The following ARHGAP39 variants were observed in gnomAD, a reference collection of about 807,000 sequenced individuals.
The protein encoded by ARHGAP39 is rho GTPase-activating protein 39.
A neutral mutation model predicts 106.9 loss-of-function variants in ARHGAP39; 44 were observed. That is an observed-to-expected ratio of 0.41 (90% CI 0.32 to 0.53). ARHGAP39 has a LOEUF of 0.53. ARHGAP39 is among the 20% of genes least tolerant of loss of function. The pLI is 0.21. For synonymous variants in ARHGAP39, 768 were observed against 693.2 expected, an observed-to-expected ratio of 1.11 and a Z score of -1.69; for missense variants, 1,496 against 1,577.3, an observed-to-expected ratio of 0.95 and a Z score of 0.87.
intron 7 of ARHGAP39, among the ~76,000 whole-genome samples, chr8:144,537,279 A>T (rs1376888998): frequency 3.3e-5 from 5 of 152,092 alleles, no homozygotes; most frequent in African/African-American, 9.7e-5. Context: ...CTCCTTGCAG[A>T]TTCTGAACAC....
chr8:144,640,069 G>A (rs1821272489), intron 1 of ARHGAP39, among the ~76,000 whole-genome samples: 1 of 152,174 alleles, frequency 6.6e-6, no homozygotes, highest in Admixed American at 6.5e-5. Context: ...CAGGCGACAT[G>A]CAGAAAATAT....
At chr8:144,691,677 A>G in the ARHGAP39 span, among the ~76,000 whole-genome samples, 1 of 151,944 alleles carries the variant, frequency 6.6e-6, no homozygotes, top group Admixed American at 6.6e-5. Context: ...GTCTTGCTAC[A>G]TTTTGTTGCA....
At chr8:144,533,059 T>G in intron 9 of ARHGAP39, 67 bp downstream of exon 9, 1 of 1,544,832 alleles carries the variant, frequency 6.5e-7, no homozygotes, top group Admixed American at 1.7e-5. Flanking sequence ...GGCCCCTGCA[T>G]GCCACAGATG....
At chr8:144,651,425 G>A (rs895745447) in intron 1 of ARHGAP39, among the ~76,000 whole-genome samples, 8 of 152,066 alleles carry the variant, frequency 5.3e-5, no homozygotes, top group Admixed American at 3.3e-4. Flanking sequence ...ATATGCAGCC[G>A]GGCACAGTGG....
chr8:144,580,919 C>T lies in ARHGAP39; in HGVS notation c.439G>A (p.Glu147Lys), dbSNP rs1291105489. Residue 147 changes from glutamate (E) to lysine (K), a missense_variant, in exon 3 of 12, where the codon GAG becomes AAG. Coordinates refer to ENST00000377307, the MANE Select transcript of ARHGAP39 (RefSeq NM_025251.3). Reference protein sequence around the residue: ...SSSLEPEPDTEKAQELPARAG... With the variant: ...SSSLEPEPDTKKAQELPARAG... ...CTCGCTGGCAACTCCTGCGCTTTCT[C>T]AGTGTCGGGCTCGGGCTCCAGGGAG... The T allele has an allele frequency of 2.5e-6, 4 of 1,605,184 alleles. No homozygotes were observed. Among genetic ancestry groups the T allele is most frequent in the Non-Finnish European group, 3.4e-6 (4 of 1,178,360 alleles).
intron 4 of ARHGAP39, among the ~76,000 whole-genome samples, chr8:144,554,188 C>T (rs1817829090): frequency 6.6e-6 from 1 of 152,190 alleles, no homozygotes; most frequent in South Asian, 2.1e-4. Flanking sequence ...TTCGTGGAGA[C>T]CAGGACCTGG....
At chr8:144,668,688 T>A (rs565790017) in intron 1 of ARHGAP39, among the ~76,000 whole-genome samples, 1 of 152,190 alleles carries the variant, frequency 6.6e-6, no homozygotes, top group Non-Finnish European at 1.5e-5. Flanking sequence ...AGACATTCCA[T>A]GTTCATGAAA....
intron 1 of ARHGAP39, among the ~76,000 whole-genome samples, chr8:144,636,955 C>T (rs1490656260): frequency 6.6e-6 from 1 of 152,188 alleles, no homozygotes; most frequent in East Asian, 1.9e-4. Flanking sequence ...TTATTCTGAC[C>T]CTCAATCCTG....
chr8:144,635,824 A>C (rs1821159838), intron 1 of ARHGAP39, among the ~76,000 whole-genome samples: 2 of 144,036 alleles, frequency 1.4e-5, no homozygotes, highest in African/African-American at 5.2e-5. Context: ...ACCGCCAGGT[A>C]GACAGTGTGG....
rs185034701 is a variant in ARHGAP39 at position 144,554,512 on chromosome 8, G to A, written c.596+1048C>T. Among the ~76,000 whole-genome samples the A allele has an allele frequency of 1.9e-3, 290 of 152,284 alleles. 3 individuals are homozygous for A. The highest frequency in any genetic ancestry group is 6.5e-3 in the African/African-American group (271 of 41,550). The stretch of plus-strand genomic sequence containing the variant: ...AGTGCTTGGCAAACAAAGACCAGGT[G>A]GGCACGTCCACCACGAAGGATGCAG... On this transcript the variant is annotated intron_variant, in intron 4 of 11. Transcript: ENST00000377307.
At chr8:144,607,061 T>C (rs1476875383) in intron 1 of ARHGAP39, among the ~76,000 whole-genome samples, 1 of 147,892 alleles carries the variant, frequency 6.8e-6, no homozygotes, top group East Asian at 2.0e-4. Context: ...ATGTGTAATG[T>C]GTGTGTGTAA....
At chr8:144,692,926 A>AT in the ARHGAP39 span, among the ~76,000 whole-genome samples, 1 of 148,958 alleles carries the variant, frequency 6.7e-6, no homozygotes. Flanking sequence ...TGCCTGGCTA[A>AT]TTTTGTATTT....
Position 144,541,687 on chromosome 8 carries a change from C to T in ARHGAP39, c.2521+3562G>A, listed in dbSNP as rs148774643. On this transcript the variant is annotated intron_variant, in intron 6 of 11. Transcript: ENST00000377307. ...AGGTTCATCCATGCGCGTCTATCAACATTTCCTTCCTTTTTAAGGCTGGAA... is the reference window on the plus strand; with the variant it reads ...AGGTTCATCCATGCGCGTCTATCAATATTTCCTTCCTTTTTAAGGCTGGAA... 3.3e-3 allele frequency among the ~76,000 whole-genome samples: 506 copies of T among 152,354 alleles called. 1 individual carries two copies. The highest frequency in any genetic ancestry group is 6.1e-3 in the African/African-American group (253 of 41,584).
Position 144,602,726 on chromosome 8 carries a change from CTG to C in ARHGAP39, c.80+2807_80+2808del, listed in dbSNP as rs563635256. On this transcript the variant is annotated intron_variant, in intron 2 of 11. Coordinates refer to ENST00000377307, the MANE Select transcript of ARHGAP39 (RefSeq NM_025251.3). ...CGTGGAGTTGTGTGCGCTCGTGTAC[CTG>C]TGTGTGTGCATGGAGGCGTGTGTGT... is the stretch of plus-strand genomic sequence containing the variant. Among the ~76,000 whole-genome samples, 841 of 112,470 alleles carry C rather than the reference CTG, an allele frequency of 7.5e-3. 5 individuals are homozygous for C. The highest frequency in any genetic ancestry group is 9.3e-3 in the Non-Finnish European group (526 of 56,468). The allele number at this position is 112,470 out of a possible 152,430, so 73.8% of individuals were successfully genotyped here.
At chr8:144,606,604 G>GAGGAGA (rs1416820958) in intron 1 of ARHGAP39, among the ~76,000 whole-genome samples, 2 of 151,968 alleles carry the variant, frequency 1.3e-5, no homozygotes, top group Non-Finnish European at 2.9e-5. Flanking sequence ...AGAGAAGGAG[G>GAGGAGA]AGGAGAAGGA....
chr8:144,538,948 G>A (rs1817074932), intron 6 of ARHGAP39, among the ~76,000 whole-genome samples: 1 of 148,918 alleles, frequency 6.7e-6, no homozygotes, highest in Non-Finnish European at 1.5e-5. Context: ...TCCAGCCTTG[G>A]CCACTGGGAA....
chr8:144,679,707 G>A lies in ARHGAP39; in HGVS notation c.-82+5979C>T, dbSNP rs1193462428. 5.9e-5 allele frequency among the ~76,000 whole-genome samples: 9 copies of A among 152,340 alleles called. No individual in the cohort carries two copies. The highest frequency in any genetic ancestry group is 1.2e-4 in the Non-Finnish European group (8 of 68,034). On this transcript the variant is annotated intron_variant, in intron 1 of 11. Coordinates refer to ENST00000377307, the MANE Select transcript of ARHGAP39 (RefSeq NM_025251.3). This position sits in a 1 kb window ranked among gnomAD's most constrained non-coding sequence, Gnocchi z 4.7. ...TAGAAAATTAAAATCTAGGCCGGGC[G>A]CAGTGTCTCACGCCTGTAATCCCAG...
intron 7 of ARHGAP39, among the ~76,000 whole-genome samples, chr8:144,536,903 G>A (rs912193099): frequency 1.3e-5 from 2 of 152,250 alleles, no homozygotes; most frequent in Non-Finnish European, 2.9e-5. Context: ...CCTGGAGGAA[G>A]AGGTGCCTAA....
At chr8:144,535,613 G>C (rs1464250247) in intron 7 of ARHGAP39, among the ~76,000 whole-genome samples, 1 of 152,246 alleles carries the variant, frequency 6.6e-6, no homozygotes, top group Non-Finnish European at 1.5e-5. Context: ...ACTAGGCTGG[G>C]GGGCCTGGGG....
Sources: gnomAD v4.1 joint callset for allele counts (sites outside exome capture counted in the v4.1 genomes callset) on GRCh38, gnomAD v4.1.1 for gene constraint, Gnocchi (gnomAD v3.1) non-coding constraint, MANE v1.5 for transcripts, NCBI Gene and HGNC (gene_info 2026-07-23, HGNC 2026-07-21) for gene names.